The following VKORC1L1 variants were observed in gnomAD, a reference collection of about 807,000 sequenced individuals.
VKORC1L1 encodes vitamin K epoxide reductase complex subunit 1L1.
VKORC1L1 carries 2 observed loss-of-function variants against 18.9 expected under a neutral mutation model. The observed-to-expected ratio is 0.11, with a 90% CI of 0.04 to 0.33. The LOEUF is 0.33. Among genes scored for constraint, VKORC1L1 ranks in the 10% least tolerant of loss-of-function variants. VKORC1L1 has a pLI of 1.00. For missense variants in VKORC1L1, 123 were observed against 224.1 expected (o/e 0.55, Z 2.88); for synonymous variants, 96 against 100.0 (o/e 0.96, Z 0.24).
At chr7:65,895,447 CTGTG>C (rs1789175001) in intron 1 of VKORC1L1, among the ~76,000 whole-genome samples, 1 of 78,940 alleles carries the variant, frequency 1.3e-5, no homozygotes, top group Non-Finnish European at 2.2e-5. Flanking sequence ...GAAATGCCAT[CTGTG>C]AGAAAAAAAA....
At chr7:65,926,014 G>A (rs769309745) in intron 1 of VKORC1L1, among the ~76,000 whole-genome samples, 2 of 148,758 alleles carry the variant, frequency 1.3e-5, no homozygotes, top group South Asian at 4.2e-4. Context: ...GACCACTAAT[G>A]ATATAATTAA....
intron 1 of VKORC1L1, among the ~76,000 whole-genome samples, chr7:65,905,035 A>G (rs1314631223): frequency 6.6e-6 from 1 of 152,124 alleles, no homozygotes; most frequent in African/African-American, 2.4e-5. Context: ...GTATACATAT[A>G]GGTATGTATA....
chr7:65,955,508 T>G lies in VKORC1L1; in HGVS notation c.*1208T>G, dbSNP rs1007996191. 2 of 152,284 alleles carry G rather than the reference T, an allele frequency of 1.3e-5. No homozygotes were observed. Among genetic ancestry groups the G allele is most frequent in the African/African-American group, 4.8e-5 (2 of 41,460 alleles). 9.4% of individuals were successfully genotyped at this position (152,284 alleles called of 1,614,324 possible). A position where few individuals can be genotyped will look rare whatever the true frequency, so the allele number is the denominator to read the frequency against. ...AAATCTGCTCATGTCGCCACTGCTC[T>G]CATAATGACACACATGCAGTAAGAA... On this transcript the variant is annotated 3_prime_UTR_variant, in exon 3 of 3. Coordinates refer to ENST00000360768, the MANE Select transcript of VKORC1L1 (RefSeq NM_173517.6).
intron 1 of VKORC1L1, among the ~76,000 whole-genome samples, chr7:65,920,171 A>G (rs927270767): frequency 6.6e-6 from 1 of 152,032 alleles, no homozygotes. Context: ...CCGACTTCAA[A>G]TTTTGAATAT....
intron 1 of VKORC1L1, among the ~76,000 whole-genome samples, chr7:65,874,422 T>C (rs141599170): frequency 0.11 from 16,860 of 151,678 alleles, 1,092 homozygotes; most frequent in Middle Eastern, 0.2. Context: ...GGTCTCGAAC[T>C]CCTGACCTCA....
intron 2 of VKORC1L1, among the ~76,000 whole-genome samples, chr7:65,952,527 T>A (rs1790228467): frequency 6.9e-6 from 1 of 145,848 alleles, no homozygotes; most frequent in Non-Finnish European, 1.5e-5. Flanking sequence ...TCTTGTTGCA[T>A]TTTTTTTTTT....
At chr7:65,904,695 T>C (rs1172548119) in intron 1 of VKORC1L1, among the ~76,000 whole-genome samples, 1 of 151,972 alleles carries the variant, frequency 6.6e-6, no homozygotes, top group East Asian at 1.9e-4. Flanking sequence ...ATGCAAGACA[T>C]ATGGGGAAAG....
In VKORC1L1 at chr7:65,873,198, TG is replaced by T; in HGVS notation, c.-169del. On this transcript the variant is annotated 5_prime_UTR_variant, in exon 1 of 3. Transcript: ENST00000360768. ...TTGGGGCGGTTGGGCCGCGCGCCTG[TG>T]GGGGCGGGGCCCGGAGCAGGCCACC... The T allele has an allele frequency of 1.2e-6, 1 of 815,998 alleles. No homozygotes were observed. The highest frequency in any genetic ancestry group is 1.5e-6 in the Non-Finnish European group (1 of 676,980). 50.5% of individuals were successfully genotyped at this position (815,998 alleles called of 1,614,324 possible).
intron 1 of VKORC1L1, among the ~76,000 whole-genome samples, chr7:65,885,394 G>A (rs1277034055): frequency 1.3e-5 from 2 of 150,842 alleles, no homozygotes; most frequent in Admixed American, 1.3e-4. Flanking sequence ...AACTTAGGTG[G>A]TCAGATCTTT....
At chr7:65,907,755 G>A (rs1237214201) in intron 1 of VKORC1L1, among the ~76,000 whole-genome samples, 2 of 152,138 alleles carry the variant, frequency 1.3e-5, no homozygotes, top group African/African-American at 4.8e-5. Context: ...TATTTTTCAA[G>A]TTCAAGTTCA....
At chr7:65,944,318 G>A (rs1790083638) in intron 1 of VKORC1L1, among the ~76,000 whole-genome samples, 1 of 152,096 alleles carries the variant, frequency 6.6e-6, no homozygotes, top group Non-Finnish European at 1.5e-5. Context: ...GCAGTGAGCC[G>A]AGATAGCACC....
chr7:65,887,898 T>G (rs1277105197), intron 1 of VKORC1L1, among the ~76,000 whole-genome samples: 1 of 152,272 alleles, frequency 6.6e-6, no homozygotes, highest in Admixed American at 6.5e-5. Flanking sequence ...CAAAGGACTG[T>G]ACTAATTTGC....
Position 65,885,641 on chromosome 7 carries a change from T to G in VKORC1L1, c.194+12076T>G, listed in dbSNP as rs568946807. Among the ~76,000 whole-genome samples the G allele has an allele frequency of 3.3e-3, 510 of 152,266 alleles. 2 individuals are homozygous for G. The highest frequency in any genetic ancestry group is 6.2e-3 in the Non-Finnish European group (420 of 68,016). ...TTTCCTAAATGGATAGGCTTTTGCC[T>G]CTCTCAGTTCATTGACTTGTTCATA... On this transcript the variant is annotated intron_variant, in intron 1 of 2. Coordinates refer to ENST00000360768, the MANE Select transcript of VKORC1L1 (RefSeq NM_173517.6).
chr7:65,884,768 A>G (rs559419630), intron 1 of VKORC1L1, among the ~76,000 whole-genome samples: 6 of 152,338 alleles, frequency 3.9e-5, no homozygotes, highest in African/African-American at 1.4e-4. Context: ...AATATGATAT[A>G]TGAAAATTGT....
intron 1 of VKORC1L1, among the ~76,000 whole-genome samples, chr7:65,910,656 A>G (rs1390679505): frequency 6.6e-6 from 1 of 152,186 alleles, no homozygotes; most frequent in Non-Finnish European, 1.5e-5. Flanking sequence ...TCAAGGTACA[A>G]TGAAAAGCAC....
chr7:65,943,242 A>C, intron 1 of VKORC1L1, among the ~76,000 whole-genome samples: 1 of 151,980 alleles, frequency 6.6e-6, no homozygotes, highest in Non-Finnish European at 1.5e-5. Flanking sequence ...ACAAAAAAAA[A>C]TGTTTTAAAT....
At chr7:65,917,448 C>G (rs1244098569) in intron 1 of VKORC1L1, among the ~76,000 whole-genome samples, 1 of 152,210 alleles carries the variant, frequency 6.6e-6, no homozygotes, top group South Asian at 2.1e-4. Flanking sequence ...ATACACTATA[C>G]TCCAGGCATT....
chr7:65,878,878 A>G (rs1270895932), intron 1 of VKORC1L1, among the ~76,000 whole-genome samples: 12 of 152,216 alleles, frequency 7.9e-5, no homozygotes, highest in Non-Finnish European at 1.3e-4. Context: ...ACTGCACTCC[A>G]GACTGGGTGA....
intron 1 of VKORC1L1, among the ~76,000 whole-genome samples, chr7:65,938,959 C>T (rs1789991036): frequency 6.6e-6 from 1 of 152,094 alleles, no homozygotes; most frequent in Non-Finnish European, 1.5e-5. Flanking sequence ...CAGGGCCACA[C>T]CAGGTGGTTG....
Sources: allele counts gnomAD v4.1 joint callset (sites outside exome capture counted in the v4.1 genomes callset), GRCh38; gene constraint gnomAD v4.1.1; transcripts MANE v1.5; gene names NCBI Gene and HGNC (gene_info 2026-07-23, HGNC 2026-07-21).